NDC80: variants seen among roughly 807,000 people sequenced by gnomAD.
NDC80 encodes the protein NDC80 kinetochore complex component.
A neutral mutation model predicts 89.3 loss-of-function variants in NDC80; 69 were observed. The ratio of observed to expected loss-of-function variants is 0.77; its 90% CI spans 0.64 to 0.94. The LOEUF (loss-of-function observed/expected upper bound fraction) is 0.94. Ranked by LOEUF, NDC80 falls within the 40% of genes least tolerant of loss-of-function variation. NDC80 has a pLI of 0.00. For missense variants in NDC80, 593 were observed against 739.6 expected (o/e 0.80, Z 2.30); for synonymous variants, 243 against 255.6 (o/e 0.95, Z 0.47).
chr18:2,598,311 A>C (rs2072667855), intron 11 of NDC80, among the ~76,000 whole-genome samples: 1 of 152,238 alleles, frequency 6.6e-6, no homozygotes, highest in South Asian at 2.1e-4. Flanking sequence ...ATCTAATATT[A>C]AGTATCTACT....
chr18:2,612,351 G>A (rs555205970), intron 16 of NDC80, among the ~76,000 whole-genome samples: 6 of 128,790 alleles, frequency 4.7e-5, no homozygotes, highest in Admixed American at 1.9e-4. Context: ...GTGCAATGGC[G>A]CGATCTCGGC....
In NDC80 at chr18:2,585,101, T is replaced by G; in HGVS notation, c.580-12T>G. ...CAGATCAACTTGCTTTTCTTGCTTG[T>G]GTACTAATTAGATACATACTGCCAT... On this transcript the variant is annotated splice_polypyrimidine_tract_variant and intron_variant, in intron 6 of 16. Coordinates refer to ENST00000261597, the MANE Select transcript of NDC80 (RefSeq NM_006101.3). 6.2e-7 allele frequency: 1 copy of G among 1,603,078 alleles called. No individual in the cohort carries two copies. Among genetic ancestry groups the G allele is most frequent in the Non-Finnish European group, 8.5e-7 (1 of 1,170,944 alleles).
chr18:2,597,656 G>T (rs142522935), intron 11 of NDC80, among the ~76,000 whole-genome samples: 1 of 152,172 alleles, frequency 6.6e-6, no homozygotes, highest in Non-Finnish European at 1.5e-5. Context: ...GCTTGAACCC[G>T]GAGGCGGAAG....
At chr18:2,611,340 C>A (rs2072743497) in intron 16 of NDC80, among the ~76,000 whole-genome samples, 1 of 152,182 alleles carries the variant, frequency 6.6e-6, no homozygotes, top group African/African-American at 2.4e-5. Context: ...TGAGCCACCG[C>A]ACCCAGCCCA....
chr18:2,611,257 C>T (rs1279215225), intron 16 of NDC80, among the ~76,000 whole-genome samples: 2 of 152,104 alleles, frequency 1.3e-5, no homozygotes, highest in Non-Finnish European at 2.9e-5. Context: ...TCTTGTTGGC[C>T]AGGCTGGTCT....
At chr18:2,584,186 G>A (rs926063858) in intron 6 of NDC80, among the ~76,000 whole-genome samples, 1 of 151,566 alleles carries the variant, frequency 6.6e-6, no homozygotes, top group Admixed American at 6.6e-5. Flanking sequence ...TACTCCAGAG[G>A]GGGAGACAGG....
chr18:2,576,039 C>T (rs954135099), intron 3 of NDC80, among the ~76,000 whole-genome samples: 2 of 152,124 alleles, frequency 1.3e-5, no homozygotes, highest in African/African-American at 2.4e-5. Context: ...GTCGAGGCTC[C>T]GGTGAGCCAG....
In NDC80 at chr18:2,599,048, A is replaced by G; in HGVS notation, c.1251A>G (p.Lys417=). 6.2e-7 allele frequency: 1 copy of G among 1,611,772 alleles called. No individual in the cohort carries two copies. Among genetic ancestry groups the G allele is most frequent in the Non-Finnish European group, 8.5e-7 (1 of 1,178,970 alleles). The part of the protein sequence containing the change: ...AIETQLAEYH[K]LARKLKLIPK... ...AAACACAATTAGCAGAGTATCACAA[A>G]TTGGCTAGAAAATTAAAACTTATTC... is the stretch of plus-strand genomic sequence containing the variant. Residue 417 remains lysine (K), a synonymous_variant, in exon 12 of 17, where the codon AAA becomes AAG. Transcript: ENST00000261597.
intron 6 of NDC80, chr18:2,579,237 CA>C: frequency 7.9e-6 from 3 of 379,506 alleles, no homozygotes; most frequent in Non-Finnish European, 9.3e-6. Context: ...TATTTATTAT[CA>C]TGAGGTTTTA....
At chr18:2,580,780 C>T (rs542808651) in intron 6 of NDC80, among the ~76,000 whole-genome samples, 106 of 105,820 alleles carry the variant, frequency 1.0e-3, no homozygotes, top group African/African-American at 3.0e-3. Flanking sequence ...CTCACTCTGT[C>T]GCCTGGGCTG....
At chr18:2,580,042 T>TC (rs1478698245) in intron 6 of NDC80, among the ~76,000 whole-genome samples, 1 of 116,966 alleles carries the variant, frequency 8.5e-6, no homozygotes, top group African/African-American at 2.6e-5. Flanking sequence ...ACATGGTTTT[T>TC]CAGGCAAGTT....
chr18:2,573,865 A>G lies in NDC80; in HGVS notation c.101+779A>G, dbSNP rs566470726. Among the ~76,000 whole-genome samples, 8 of 152,292 alleles carry G rather than the reference A, an allele frequency of 5.3e-5. No individual in the cohort carries two copies. In the South Asian group the frequency reaches 1.7e-3, roughly 32 times the overall value. On this transcript the variant is annotated intron_variant, in intron 2 of 16. Coordinates refer to ENST00000261597, the MANE Select transcript of NDC80 (RefSeq NM_006101.3). ...TAATTGTATTAGAAGCTAAAAGGTC[A>G]CCATTGTCAATGTTTTTTTGCCTGC...
Position 2,597,080 on chromosome 18 carries a change from A to G in NDC80, c.1221+1459A>G, listed in dbSNP as rs1015296714. On this transcript the variant is annotated intron_variant, in intron 11 of 16. Coordinates refer to ENST00000261597, the MANE Select transcript of NDC80 (RefSeq NM_006101.3). ...TAGGAGATATACCTAATGCTAAATG[A>G]TGAGTTAATGGGTGCAGCACACCAG... 1.9e-4 allele frequency among the ~76,000 whole-genome samples: 29 copies of G among 152,186 alleles called. 1 individual carries two copies. The highest frequency in any genetic ancestry group is 7.0e-4 in the African/African-American group (29 of 41,432).
In NDC80 at chr18:2,573,038, A is replaced by T; in HGVS notation, c.53A>T (p.Glu18Val). The T allele has an allele frequency of 6.2e-7, 1 of 1,614,160 alleles. No homozygotes were observed. Among genetic ancestry groups the T allele is most frequent in the Non-Finnish European group, 8.5e-7 (1 of 1,180,026 alleles). Residue 18 changes from glutamate to valine, a missense_variant, in exon 2 of 17, where the codon GAG (glutamate) becomes GTG (valine). By Grantham distance (121) the Glu-to-Val change is moderately radical. Transcript: ENST00000261597. Reference sequence around the variant, plus strand: ...GGTGCTGGCCGCCTCTCCATGCAGGAGTTAAGATCCCAGGATGTAAATAAA... The same window carrying T: ...GGTGCTGGCCGCCTCTCCATGCAGGTGTTAAGATCCCAGGATGTAAATAAA... ...SGGAGRLSMQELRSQDVNKQG... is the reference protein window; with the variant it reads ...SGGAGRLSMQVLRSQDVNKQG...
chr18:2,578,905 A>G (rs1242859026), intron 5 of NDC80, 22 bp from the exon 6 acceptor site: 9 of 1,326,946 alleles, frequency 6.8e-6, no homozygotes, highest in Admixed American at 2.7e-5. Context: ...AAATTAGCTT[A>G]TGTTTTTCTG....
chr18:2,573,172 A>AT (rs2072527907), intron 2 of NDC80, 86 bp downstream of exon 2: 1 of 1,055,806 alleles, frequency 9.5e-7, no homozygotes, highest in Non-Finnish European at 1.4e-6. Context: ...TAAAGATGTA[A>AT]TATGAGTGAT....
chr18:2,571,707 CT>C (rs1449136794), intron 1 of NDC80, 24 bp downstream of exon 1: 2 of 152,342 alleles, frequency 1.3e-5, no homozygotes, highest in Non-Finnish European at 2.9e-5. Flanking sequence ...ATCGGATTAA[CT>C]TTGTTTCTGC....
intron 3 of NDC80, among the ~76,000 whole-genome samples, 171 bp from the exon 4 acceptor site, chr18:2,577,575 T>C (rs1242816989): frequency 6.6e-6 from 1 of 152,184 alleles, no homozygotes; most frequent in African/African-American, 2.4e-5. Flanking sequence ...AACCTCATAT[T>C]TTACTCTTCG....
chr18:2,616,304 AG>A lies in NDC80; in HGVS notation c.1792-132del. The A allele has an allele frequency of 7.8e-6, 4 of 512,494 alleles. 1 individual carries two copies. The highest frequency in any genetic ancestry group is 1.3e-5 in the Non-Finnish European group (4 of 306,326). 31.7% of individuals were successfully genotyped at this position (512,494 alleles called of 1,614,324 possible). ...CCTCATAAAGTGCTGGGATTGCAGG[AG>A]TGAGCCACCATGCCCGGCCCTTTTT... On this transcript the variant is annotated intron_variant, in intron 16 of 16. Coordinates refer to ENST00000261597, the MANE Select transcript of NDC80 (RefSeq NM_006101.3).
Sources: allele counts gnomAD v4.1 joint callset (sites outside exome capture counted in the v4.1 genomes callset), GRCh38; gene constraint gnomAD v4.1.1; transcripts MANE v1.5; gene names NCBI Gene and HGNC (gene_info 2026-07-23, HGNC 2026-07-21).